ARHGAP6: variants seen among roughly 807,000 people sequenced by gnomAD.
ARHGAP6 encodes Rho GTPase activating protein 6.
ARHGAP6 carries 16 observed loss-of-function variants against 55.7 expected under a neutral mutation model. That is an observed-to-expected ratio of 0.29 (90% CI 0.19 to 0.44). The LOEUF (loss-of-function observed/expected upper bound fraction) is 0.44. ARHGAP6 is among the 20% of genes least tolerant of loss of function. The pLI is 1.00. For missense variants in ARHGAP6, 698 were observed against 808.9 expected, an observed-to-expected ratio of 0.86 and a Z score of 1.66; for synonymous variants, 382 against 360.9, an observed-to-expected ratio of 1.06 and a Z score of -0.66.
At position 11,484,400 on chromosome X, in the gene ARHGAP6, AGAAG is replaced by A. The variant is rs201887826; in HGVS notation, c.588+179837_588+179840del. Among the ~76,000 whole-genome samples, 739 of 108,854 alleles carry A rather than the reference AGAAG, an allele frequency of 6.8e-3. 4 individuals carry two copies. The highest frequency in any genetic ancestry group is 0.012 in the Non-Finnish European group (622 of 52,264). The allele number at this position is 108,854 out of a possible 115,157, so 94.5% of individuals were successfully genotyped here. On this transcript the variant is annotated intron_variant, in intron 1 of 12. Coordinates refer to ENST00000337414, the MANE Select transcript of ARHGAP6 (RefSeq NM_013427.3). ...TCGAAGGAGGAGGAAGAAGAAAAAG[AGAAG>A]GAAGATGATAATGAAGAGGAAGAAA...
chrX:11,526,316 A>G (rs914280727), intron 1 of ARHGAP6, among the ~76,000 whole-genome samples: 30 of 111,738 alleles, frequency 2.7e-4, no homozygotes, highest in African/African-American at 9.1e-4. Flanking sequence ...TTCTAGGTGT[A>G]ACCACTTCCA....
At chrX:11,310,650 G>A (rs1439269164) in intron 1 of ARHGAP6, among the ~76,000 whole-genome samples, 2 of 111,771 alleles carry the variant, frequency 1.8e-5, no homozygotes, top group African/African-American at 6.5e-5. Flanking sequence ...ATTACACCAG[G>A]CTCTTCCGAG....
chrX:11,351,187 A>T (rs2048859737), intron 1 of ARHGAP6, among the ~76,000 whole-genome samples: 1 of 111,257 alleles, frequency 9.0e-6, no homozygotes, highest in Admixed American at 9.7e-5. Context: ...TATTTACATA[A>T]AAATGATGCC....
intron 1 of ARHGAP6, among the ~76,000 whole-genome samples, chrX:11,473,582 T>G (rs1220266176): frequency 1.8e-5 from 2 of 111,241 alleles, no homozygotes; most frequent in East Asian, 5.7e-4. Context: ...ACATCAAGGA[T>G]TGCCAGGAGC....
At chrX:11,316,222 T>A (rs997041612) in intron 1 of ARHGAP6, among the ~76,000 whole-genome samples, 11 of 112,376 alleles carry the variant, frequency 9.8e-5, no homozygotes, top group Admixed American at 3.8e-4. Context: ...AAAGCCCTTC[T>A]TTAAAGTAGT....
intron 1 of ARHGAP6, chrX:11,351,490 C>A: frequency 1.1e-6 from 1 of 950,093 alleles, no homozygotes; most frequent in Non-Finnish European, 1.3e-6. Context: ...TAGGATTCCC[C>A]TCCATCTCGT....
At chrX:11,335,092 C>T (rs985487279) in intron 1 of ARHGAP6, 16 of 123,633 alleles carry the variant, frequency 1.3e-4, no homozygotes, top group African/African-American at 4.9e-4. Flanking sequence ...ACCCTTAAAC[C>T]CCAGTTCCAG....
intron 1 of ARHGAP6, among the ~76,000 whole-genome samples, chrX:11,281,434 A>G (rs2047854539): frequency 9.1e-6 from 1 of 109,360 alleles, no homozygotes; most frequent in African/African-American, 3.3e-5. Context: ...ATACTTATAT[A>G]TAATTAATTT....
intron 1 of ARHGAP6, among the ~76,000 whole-genome samples, chrX:11,625,117 T>C (rs1312622545): frequency 9.0e-6 from 1 of 111,651 alleles, no homozygotes; most frequent in East Asian, 2.8e-4. Flanking sequence ...AAACTAAAAA[T>C]AGAACTGTAA....
intron 1 of ARHGAP6, among the ~76,000 whole-genome samples, chrX:11,387,964 T>A (rs1228827077): frequency 4.5e-5 from 5 of 112,239 alleles, no homozygotes; most frequent in Non-Finnish European, 9.4e-5. Context: ...TGTTGGACAT[T>A]TGGGTTGGTT....
In ARHGAP6 at chrX:11,587,723, C is replaced by G. The variant is rs977763781; in HGVS notation, c.588+76518G>C. ...GGAAGAAGTTTGCTAAGAATAACCA[C>G]TGCAGGTCACATATGCTGTTCAGGG... On this transcript the variant is annotated intron_variant, in intron 1 of 12. Transcript: ENST00000337414. 3.6e-5 allele frequency among the ~76,000 whole-genome samples: 4 copies of G among 112,301 alleles called. No individual in the cohort carries two copies. The East Asian group carries it at 8.4e-4, about 24-fold the overall frequency.
At chrX:11,660,517 A>ACTCT (rs1200418138) in intron 1 of ARHGAP6, among the ~76,000 whole-genome samples, 1 of 78,733 alleles carries the variant, frequency 1.3e-5, no homozygotes, top group Admixed American at 1.7e-4. Flanking sequence ...ACAGGGTGAG[A>ACTCT]CTCTCTCTCT....
chrX:11,346,753 A>AAGAAAGAAAGAAAGAAAGAAAGAG (rs1569308827), intron 1 of ARHGAP6, among the ~76,000 whole-genome samples: 5 of 110,553 alleles, frequency 4.5e-5, no homozygotes, highest in Non-Finnish European at 7.6e-5. Flanking sequence ...GAAAGAAAGA[A>AAGAAAGAAAGAAAGAAAGAAAGAG]AGAGAGAAAG....
At chrX:11,439,963 T>C (rs2050024310) in intron 1 of ARHGAP6, among the ~76,000 whole-genome samples, 1 of 112,835 alleles carries the variant, frequency 8.9e-6, no homozygotes, top group Admixed American at 9.4e-5. Flanking sequence ...TAAGTGTTAT[T>C]GGAAGCCACT....
At chrX:11,232,989 G>A (rs1020935627) in intron 2 of ARHGAP6, among the ~76,000 whole-genome samples, 2 of 112,173 alleles carry the variant, frequency 1.8e-5, no homozygotes, top group East Asian at 2.8e-4. Context: ...CAATACACAC[G>A]TACTAAATAA....
chrX:11,226,346 A>T (rs1301231744), intron 2 of ARHGAP6, among the ~76,000 whole-genome samples: 3 of 111,193 alleles, frequency 2.7e-5, no homozygotes, highest in African/African-American at 9.8e-5. Context: ...GCTGCATGGT[A>T]TTCCATGGTG....
chrX:11,518,046 C>G (rs1035110386), intron 1 of ARHGAP6, among the ~76,000 whole-genome samples: 1 of 111,570 alleles, frequency 9.0e-6, no homozygotes, highest in South Asian at 3.8e-4. Flanking sequence ...AATACCTTAA[C>G]CTAACATTTT....
At chrX:11,442,951 T>C (rs889541410) in intron 1 of ARHGAP6, among the ~76,000 whole-genome samples, 8 of 112,227 alleles carry the variant, frequency 7.1e-5, no homozygotes, top group Non-Finnish European at 7.5e-5. Flanking sequence ...ATGTGCATTC[T>C]TTTTTCTGTT....
chrX:11,570,383 T>C (rs1376003443), intron 1 of ARHGAP6, among the ~76,000 whole-genome samples: 1 of 111,737 alleles, frequency 8.9e-6, no homozygotes, highest in Admixed American at 9.6e-5. Flanking sequence ...AGTATAAATA[T>C]TTGATAATAT....
Sources: allele counts gnomAD v4.1 joint callset (sites outside exome capture counted in the v4.1 genomes callset), GRCh38; gene constraint gnomAD v4.1.1; transcripts MANE v1.5; gene names NCBI Gene and HGNC (gene_info 2026-07-23, HGNC 2026-07-21).